The following PDE7B variants were observed in gnomAD, a reference collection of about 807,000 sequenced individuals.
The protein encoded by PDE7B is 3',5'-cyclic-AMP phosphodiesterase 7B.
In PDE7B, 29 loss-of-function variants were observed where a neutral mutation model predicts 56.2. The ratio of observed to expected loss-of-function variants is 0.52; its 90% CI spans 0.38 to 0.70. The LOEUF (loss-of-function observed/expected upper bound fraction) is 0.70, where lower values mean the gene tolerates loss of function less well. PDE7B is among the 30% of genes least tolerant of loss of function. The pLI is 0.00. For missense variants in PDE7B, 490 were observed against 565.0 expected (o/e 0.87, Z 1.35); for synonymous variants, 197 against 196.9 (o/e 1.00, Z 0.00).
intron 2 of PDE7B, among the ~76,000 whole-genome samples, chr6:135,959,924 C>A (rs1428103603): frequency 3.3e-5 from 5 of 152,114 alleles, no homozygotes; most frequent in Non-Finnish European, 5.9e-5. Context: ...CAGGTGTGCA[C>A]CACCACCCCT....
intron 2 of PDE7B, among the ~76,000 whole-genome samples, chr6:135,979,624 A>C (rs1775257931): frequency 6.6e-6 from 1 of 152,126 alleles, no homozygotes; most frequent in African/African-American, 2.4e-5. Flanking sequence ...ATGTGTAAAA[A>C]TCACAAGTAT....
intron 2 of PDE7B, among the ~76,000 whole-genome samples, chr6:136,057,372 C>G (rs1776754429): frequency 6.6e-6 from 1 of 152,176 alleles, no homozygotes; most frequent in Admixed American, 6.5e-5. Context: ...CATGGTAAAT[C>G]TTGAAAGTAT....
At chr6:136,174,324 A>G (rs534344154) in intron 9 of PDE7B, among the ~76,000 whole-genome samples, 1 of 152,316 alleles carries the variant, frequency 6.6e-6, no homozygotes, top group South Asian at 2.1e-4. Context: ...CAAAAATAGA[A>G]GTCAGAAATT....
intron 8 of PDE7B, among the ~76,000 whole-genome samples, chr6:136,164,277 G>T (rs765572032): frequency 2.0e-5 from 3 of 152,080 alleles, no homozygotes; most frequent in Non-Finnish European, 4.4e-5. Context: ...CCCTTATAAA[G>T]CCATCAGATC....
chr6:136,184,743 T>C (rs539427616), intron 11 of PDE7B, among the ~76,000 whole-genome samples: 54 of 152,130 alleles, frequency 3.5e-4, no homozygotes, highest in Non-Finnish European at 7.3e-4. Flanking sequence ...GGGCAATATA[T>C]ACAGTTGAAG....
intron 2 of PDE7B, among the ~76,000 whole-genome samples, chr6:135,984,946 C>A (rs533869397): frequency 9.4e-4 from 143 of 151,746 alleles, no homozygotes; most frequent in African/African-American, 3.4e-3. Flanking sequence ...AGAACAGAAA[C>A]AAACAAAAAA....
At chr6:136,054,717 T>C (rs1027976653) in intron 2 of PDE7B, among the ~76,000 whole-genome samples, 4 of 152,242 alleles carry the variant, frequency 2.6e-5, no homozygotes, top group East Asian at 1.9e-4. Flanking sequence ...TGTTTGTATC[T>C]TCTTTTATTT....
intron 2 of PDE7B, among the ~76,000 whole-genome samples, chr6:136,042,127 A>T (rs1776424009): frequency 6.6e-6 from 1 of 152,202 alleles, no homozygotes; most frequent in Non-Finnish European, 1.5e-5. Flanking sequence ...TGTGGGCTTT[A>T]GTCTTATATC....
At chr6:136,031,981 A>G (rs187529148) in intron 2 of PDE7B, among the ~76,000 whole-genome samples, 1 of 152,278 alleles carries the variant, frequency 6.6e-6, no homozygotes, top group East Asian at 1.9e-4. Flanking sequence ...AGCGTTCAAA[A>G]TTTATGCATC....
chr6:136,182,756 A>C (rs1779086229), intron 11 of PDE7B, among the ~76,000 whole-genome samples: 2 of 152,214 alleles, frequency 1.3e-5, no homozygotes, highest in African/African-American at 4.8e-5. Flanking sequence ...AAATGGTATC[A>C]ACCAAGAAAT....
chr6:136,084,511 T>TTG, intron 2 of PDE7B, among the ~76,000 whole-genome samples: 1 of 152,196 alleles, frequency 6.6e-6, no homozygotes, highest in Non-Finnish European at 1.5e-5. Context: ...TCAACACTAT[T>TTG]ACCTCAATGA....
chr6:135,973,353 T>C (rs1775127429), intron 2 of PDE7B, among the ~76,000 whole-genome samples: 1 of 152,068 alleles, frequency 6.6e-6, no homozygotes, highest in African/African-American at 2.4e-5. Flanking sequence ...GCGTCTACCA[T>C]ATTTTATTTT....
At chr6:135,857,873 T>C (rs1176302347) in intron 1 of PDE7B, among the ~76,000 whole-genome samples, 1 of 152,170 alleles carries the variant, frequency 6.6e-6, no homozygotes, top group Non-Finnish European at 1.5e-5. Context: ...GACACATTCA[T>C]ATATACTTTT....
intron 11 of PDE7B, among the ~76,000 whole-genome samples, chr6:136,183,595 CAAAAAA>C (rs59123124): frequency 4.5e-5 from 3 of 66,210 alleles, no homozygotes; most frequent in African/African-American, 1.2e-4. Context: ...GACTCTGTCT[CAAAAAA>C]AAAAAAAAAA....
At chr6:135,874,565 C>G (rs1583725648) in intron 1 of PDE7B, among the ~76,000 whole-genome samples, 2 of 152,112 alleles carry the variant, frequency 1.3e-5, no homozygotes, top group South Asian at 2.1e-4. Flanking sequence ...TATTGATTTC[C>G]AAATTTAATG....
At position 136,191,739 on chromosome 6, in the gene PDE7B, C is replaced by T. The variant is rs1311350147; in HGVS notation, c.1252C>T (p.Pro418Ser). 1 of 1,607,192 alleles carries T rather than the reference C, an allele frequency of 6.2e-7. No individual in the cohort carries two copies. The highest frequency in any genetic ancestry group is 8.5e-7 in the Non-Finnish European group (1 of 1,177,042). ...CAAGGCCCAGTGGAAGAGCCTGTTG[C>T]CCAGGCAGCACAGAAGCAGGGGCAG... is the stretch of plus-strand genomic sequence containing the variant. ...HNKAQWKSLL[P>S]RQHRSRGSSG... Residue 418 changes from proline to serine, a missense_variant, in exon 13 of 13, where the codon CCC becomes TCC. Pro to Ser is a moderately conservative substitution (Grantham distance 74, BLOSUM62 -1). Transcript: ENST00000308191.
At chr6:135,856,174 A>AG (rs1416909436) in intron 1 of PDE7B, among the ~76,000 whole-genome samples, 1 of 152,144 alleles carries the variant, frequency 6.6e-6, no homozygotes, top group Non-Finnish European at 1.5e-5. Flanking sequence ...GCAAAACAAA[A>AG]CAAGGACTTG....
chr6:136,033,750 A>G (rs1366878662), intron 2 of PDE7B, among the ~76,000 whole-genome samples: 1 of 152,092 alleles, frequency 6.6e-6, no homozygotes, highest in Non-Finnish European at 1.5e-5. Flanking sequence ...TCACATTTCT[A>G]TGTCTCCTAA....
At chr6:136,086,307 C>T (rs115926380) in intron 2 of PDE7B, among the ~76,000 whole-genome samples, 266 of 152,048 alleles carry the variant, frequency 1.7e-3, no homozygotes, top group African/African-American at 6.1e-3. Context: ...CATTGTGAAG[C>T]TACTTGTCCA....
Sources: allele counts gnomAD v4.1 joint callset (sites outside exome capture counted in the v4.1 genomes callset), GRCh38; gene constraint gnomAD v4.1.1; transcripts MANE v1.5; gene names NCBI Gene and HGNC (gene_info 2026-07-23, HGNC 2026-07-21).